ATP10B: variants seen among roughly 807,000 people sequenced by gnomAD.
ATP10B encodes the protein phospholipid-transporting ATPase VB.
ATP10B carries 122 observed loss-of-function variants against 141.2 expected under a neutral mutation model. That is an observed-to-expected ratio of 0.86 (90% CI 0.75 to 1.00). The LOEUF is 1.00. ATP10B is among the 50% of genes least tolerant of loss of function. The pLI is 0.00. For synonymous variants in ATP10B, 685 were observed against 692.0 expected, an observed-to-expected ratio of 0.99 and a Z score of 0.16; for missense variants, 1,876 against 1,825.3, an observed-to-expected ratio of 1.03 and a Z score of -0.51.
At chr5:160,574,168 G>A (rs572774380) in intron 24 of ATP10B, among the ~76,000 whole-genome samples, 7 of 152,250 alleles carry the variant, frequency 4.6e-5, no homozygotes, top group South Asian at 4.1e-4. Context: ...GGTGGCTCAC[G>A]CCTGTAATCC....
chr5:160,671,224 C>T (rs1367687900), intron 6 of ATP10B, among the ~76,000 whole-genome samples: 4 of 118,250 alleles, frequency 3.4e-5, no homozygotes, highest in Non-Finnish European at 5.4e-5. Flanking sequence ...TTCTTATGAA[C>T]ATTTAGAATT....
Position 160,620,570 on chromosome 5 carries a change from G to C in ATP10B, c.2193C>G (p.Ala731=), listed in dbSNP as rs753968677. 19 of 1,613,944 alleles carry C rather than the reference G, an allele frequency of 1.2e-5. No individual in the cohort carries two copies. The African/African-American group carries it at 2.0e-4, about 17-fold the overall frequency. ...ACACTAGTGTGAAGCTGTAGGCATG[G>C]GCAGCGTGCACCAGGGCGGCCTCAT... is the stretch of plus-strand genomic sequence containing the variant. ...SPDEAALVHA[A]HAYSFTLVSR... The change falls in exon 15 of 26, where the codon GCC becomes GCG. Residue 731 remains alanine, a synonymous_variant. Transcript: ENST00000327245.
chr5:160,616,786 G>A lies in ATP10B; in HGVS notation c.2527-822C>T, dbSNP rs138568343. 3.7e-3 allele frequency among the ~76,000 whole-genome samples: 561 copies of A among 152,350 alleles called. 5 individuals are homozygous for A. The highest frequency in any genetic ancestry group is 0.013 in the African/African-American group (536 of 41,576). The stretch of plus-strand genomic sequence containing the variant: ...AGTAGGCCTTTTGCTTTTGAGGAAT[G>A]CATAGTCCATTAGGGGAGGCAAAAT... On this transcript the variant is annotated intron_variant, in intron 16 of 25. Coordinates refer to ENST00000327245, the MANE Select transcript of ATP10B (RefSeq NM_025153.3).
chr5:160,598,706 A>T, intron 22 of ATP10B, 64 bp downstream of exon 22: 1 of 1,477,878 alleles, frequency 6.8e-7, no homozygotes, highest in Non-Finnish European at 9.4e-7. Context: ...TGATGCCTCC[A>T]GAGGGGAGGT....
intron 24 of ATP10B, among the ~76,000 whole-genome samples, chr5:160,573,746 C>T (rs1191502366): frequency 6.6e-6 from 1 of 152,180 alleles, no homozygotes; most frequent in Non-Finnish European, 1.5e-5. Context: ...AAATTGTCTT[C>T]TGTGGTCCCT....
intron 22 of ATP10B, among the ~76,000 whole-genome samples, chr5:160,598,319 T>G (rs985315099): frequency 2.6e-5 from 4 of 151,810 alleles, no homozygotes; most frequent in Non-Finnish European, 5.9e-5. Flanking sequence ...TTCTCACTCA[T>G]AGGTGGGAAT....
intron 2 of ATP10B, among the ~76,000 whole-genome samples, chr5:160,763,150 G>A (rs72818591): frequency 0.31 from 47,655 of 151,772 alleles, 7,825 homozygotes; most frequent in Non-Finnish European, 0.36. Context: ...AGCACTAGAC[G>A]GGACATCAAG....
At chr5:160,703,367 A>C (rs1339324329) in intron 3 of ATP10B, among the ~76,000 whole-genome samples, 4 of 152,266 alleles carry the variant, frequency 2.6e-5, no homozygotes, top group Non-Finnish European at 5.9e-5. Context: ...TGTCTAAAAA[A>C]TACATAGCTT....
chr5:160,656,068 C>T (rs1761473453), intron 7 of ATP10B, among the ~76,000 whole-genome samples: 1 of 152,176 alleles, frequency 6.6e-6, no homozygotes, highest in Non-Finnish European at 1.5e-5. Context: ...AGGCCATTTC[C>T]CTTGCGCTTG....
intron 6 of ATP10B, among the ~76,000 whole-genome samples, chr5:160,677,754 C>T (rs1343263091): frequency 1.3e-5 from 2 of 152,170 alleles, no homozygotes; most frequent in Non-Finnish European, 2.9e-5. Flanking sequence ...AGGCAGCAAC[C>T]CCAGAATATA....
At chr5:160,818,085 A>C (rs188610965) in intron 1 of ATP10B, among the ~76,000 whole-genome samples, 120 of 152,316 alleles carry the variant, frequency 7.9e-4, no homozygotes, top group African/African-American at 2.8e-3. Flanking sequence ...GGACACAGGC[A>C]TGGGCAAGGA....
intron 1 of ATP10B, among the ~76,000 whole-genome samples, chr5:160,803,851 A>G (rs1285040141): frequency 1.3e-5 from 2 of 152,080 alleles, no homozygotes; most frequent in African/African-American, 2.4e-5. Context: ...CATGATTTAT[A>G]TTTGTTATTT....
intron 1 of ATP10B, among the ~76,000 whole-genome samples, chr5:160,829,638 T>C (rs1277562892): frequency 8.5e-5 from 13 of 152,122 alleles, no homozygotes; most frequent in Admixed American, 7.9e-4. Flanking sequence ...TTTCTTCCAG[T>C]AGTCTTTGTA....
chr5:160,895,599 G>A, the ATP10B span, among the ~76,000 whole-genome samples: 4 of 152,192 alleles, frequency 2.6e-5, no homozygotes, highest in Non-Finnish European at 5.9e-5. Flanking sequence ...CAATAATAGT[G>A]GGAGACTTAA....
chr5:160,667,589 T>C (rs1762399870), intron 7 of ATP10B, among the ~76,000 whole-genome samples: 1 of 152,184 alleles, frequency 6.6e-6, no homozygotes, highest in Admixed American at 6.5e-5. Context: ...AATTTACCTC[T>C]CTCTCTTTTT....
intron 7 of ATP10B, among the ~76,000 whole-genome samples, chr5:160,669,882 G>A (rs936488372): frequency 1.4e-4 from 16 of 118,350 alleles, no homozygotes; most frequent in Non-Finnish European, 2.1e-4. Context: ...GGGATTACAA[G>A]CTTGAGCCAT....
the ATP10B span, among the ~76,000 whole-genome samples, chr5:160,886,278 T>A: frequency 6.6e-6 from 1 of 151,940 alleles, no homozygotes; most frequent in African/African-American, 2.4e-5. Flanking sequence ...AACCTTGGGG[T>A]TATTTAGGGT....
At chr5:160,892,432 C>A in the ATP10B span, among the ~76,000 whole-genome samples, 2 of 152,224 alleles carry the variant, frequency 1.3e-5, no homozygotes, top group African/African-American at 2.4e-5. Context: ...TCCATTCAGA[C>A]AGACCATTCC....
At chr5:160,644,977 C>A (rs1760170092) in intron 8 of ATP10B, among the ~76,000 whole-genome samples, 1 of 151,944 alleles carries the variant, frequency 6.6e-6, no homozygotes. Context: ...ATTAGTCAGG[C>A]ATGGTGGCAG....
Sources: gnomAD v4.1 joint callset for allele counts (sites outside exome capture counted in the v4.1 genomes callset) on GRCh38, gnomAD v4.1.1 for gene constraint, MANE v1.5 for transcripts, NCBI Gene and HGNC (gene_info 2026-07-23, HGNC 2026-07-21) for gene names.